The following ATP8A2 variants were observed in gnomAD, a reference collection of about 807,000 sequenced individuals.
ATP8A2 encodes phospholipid-transporting ATPase IB.
A neutral mutation model predicts 165.6 loss-of-function variants in ATP8A2; 100 were observed. That is an observed-to-expected ratio of 0.60 (90% CI 0.51 to 0.71). The LOEUF (loss-of-function observed/expected upper bound fraction) is 0.71, where lower values mean the gene tolerates loss of function less well. Among genes scored for constraint, ATP8A2 ranks in the 30% least tolerant of loss-of-function variants. The pLI is 0.00. For missense variants in ATP8A2, 1,227 were observed against 1,479.5 expected (o/e 0.83, Z 2.80); for synonymous variants, 543 against 548.8 (o/e 0.99, Z 0.15).
chr13:25,464,446 T>TA (rs34063090), intron 1 of ATP8A2, among the ~76,000 whole-genome samples: 45,627 of 127,324 alleles, frequency 0.36, 9,056 homozygotes, highest in East Asian at 0.56. Context: ...CATCTCTATC[T>TA]AAAAAAAAAA....
intron 2 of ATP8A2, among the ~76,000 whole-genome samples, chr13:25,471,244 A>G (rs1429475050): frequency 2.6e-5 from 4 of 151,602 alleles, no homozygotes; most frequent in Non-Finnish European, 5.9e-5. Context: ...CTTAATTTCT[A>G]TTAATTCCTT....
intron 2 of ATP8A2, among the ~76,000 whole-genome samples, chr13:25,472,374 A>T (rs999273143): frequency 2.7e-5 from 4 of 149,852 alleles, no homozygotes; most frequent in African/African-American, 1.0e-4. Context: ...AGCCTGGGTG[A>T]CAGAGCAAGA....
chr13:25,505,208 G>GGC (rs2036996700), intron 2 of ATP8A2, among the ~76,000 whole-genome samples: 1 of 127,160 alleles, frequency 7.9e-6, no homozygotes, highest in Non-Finnish European at 1.6e-5. Flanking sequence ...GGGGCGGGGG[G>GGC]GGGTGGTGGT....
At chr13:25,790,904 G>T (rs2045153824) in intron 27 of ATP8A2, among the ~76,000 whole-genome samples, 1 of 152,088 alleles carries the variant, frequency 6.6e-6, no homozygotes, top group Non-Finnish European at 1.5e-5. Flanking sequence ...AGGTGGTGGA[G>T]AAAAAGGAAT....
intron 2 of ATP8A2, among the ~76,000 whole-genome samples, chr13:25,495,169 C>T (rs1439832404): frequency 6.6e-6 from 1 of 152,192 alleles, no homozygotes; most frequent in East Asian, 1.9e-4. Flanking sequence ...CTGCTGCTGC[C>T]CTTCCAGGGT....
chr13:25,514,372 C>A (rs991940181), intron 2 of ATP8A2, among the ~76,000 whole-genome samples: 3 of 152,140 alleles, frequency 2.0e-5, no homozygotes, highest in Admixed American at 6.5e-5. Context: ...CATTTAAAAT[C>A]TCTTTTTTGT....
chr13:25,495,860 A>G (rs1476309832), intron 2 of ATP8A2, among the ~76,000 whole-genome samples: 1 of 151,724 alleles, frequency 6.6e-6, no homozygotes, highest in Non-Finnish European at 1.5e-5. Flanking sequence ...TGAGCTGTAC[A>G]CCTCAAGCTG....
chr13:25,649,132 A>G, intron 24 of ATP8A2: 3 of 445,552 alleles, frequency 6.7e-6, no homozygotes, highest in South Asian at 3.2e-5. Flanking sequence ...AACCTTTTCC[A>G]GCTTTCACAG....
chr13:25,849,479 C>G (rs758610832), intron 30 of ATP8A2, among the ~76,000 whole-genome samples: 3 of 151,624 alleles, frequency 2.0e-5, no homozygotes, highest in Non-Finnish European at 4.4e-5. Context: ...CAACCTAGCT[C>G]TTTGGAATAT....
intron 29 of ATP8A2, 141 bp downstream of exon 29, chr13:25,837,426 CACACACACACA>C (rs1409201969): frequency 0.18 from 1,965 of 11,094 alleles, 45 homozygotes; most frequent in African/African-American, 0.22. Context: ...CCCACCACCA[CACACACACACA>C]CACACACACA....
At chr13:25,936,608 G>C (rs1954898070) in intron 33 of ATP8A2, among the ~76,000 whole-genome samples, 1 of 152,206 alleles carries the variant, frequency 6.6e-6, no homozygotes, top group African/African-American at 2.4e-5. Context: ...TCATTAGTGG[G>C]ATCATGGCAC....
rs148404693 is a variant in ATP8A2, at chr13:25,563,862, G to A, written c.1398-94G>A. ...AATGTGAATCCCTATAGGACTTTAGGTATGGTTCTTCTTGAAGGCAGATTC... is the reference window on the plus strand; with the variant it reads ...AATGTGAATCCCTATAGGACTTTAGATATGGTTCTTCTTGAAGGCAGATTC... On this transcript the variant is annotated intron_variant, in intron 15 of 36. Coordinates refer to ENST00000381655, the MANE Select transcript of ATP8A2 (RefSeq NM_016529.6). The A allele has an allele frequency of 2.6e-3, 2,072 of 807,706 alleles. 4 individuals are homozygous for A. Among genetic ancestry groups the A allele is most frequent in the Non-Finnish European group, 3.6e-3 (1,677 of 466,964 alleles). The allele number at this position is 807,706 out of a possible 1,614,324, so 50.0% of individuals were successfully genotyped here.
chr13:25,974,664 G>A (rs1053292353), intron 35 of ATP8A2, among the ~76,000 whole-genome samples: 1 of 152,066 alleles, frequency 6.6e-6, no homozygotes, highest in South Asian at 2.1e-4. Context: ...CGTCTATGCC[G>A]GTCCTTGCCA....
chr13:25,455,129 A>T (rs905217048), intron 1 of ATP8A2, among the ~76,000 whole-genome samples: 2 of 152,210 alleles, frequency 1.3e-5, no homozygotes, highest in Non-Finnish European at 2.9e-5. Context: ...TCCCTTGATT[A>T]CTGCTTCTCC....
chr13:25,704,337 C>CTT lies in ATP8A2; in HGVS notation c.2384+5007_2384+5008dup, dbSNP rs67458818. ...TCTGTACATCCAACCACATCTAGGA[C>CTT]TTTTTTTTTTTTTTTTGAGGCAGTC... is the stretch of plus-strand genomic sequence containing the variant. On this transcript the variant is annotated intron_variant, in intron 25 of 36. Transcript: ENST00000381655. 3.2e-3 allele frequency among the ~76,000 whole-genome samples: 438 copies of CTT among 137,668 alleles called. 8 individuals carry two copies. Among genetic ancestry groups the CTT allele is most frequent in the South Asian group, 0.021 (90 of 4,218 alleles). The allele number at this position is 137,668 out of a possible 152,430, so 90.3% of individuals were successfully genotyped here.
intron 36 of ATP8A2, 33 bp downstream of exon 36, chr13:26,012,655 T>C: frequency 1.0e-5 from 12 of 1,194,504 alleles, no homozygotes; most frequent in Non-Finnish European, 1.3e-5. Context: ...GATGGAGGAG[T>C]GGGTGTCGGT....
At chr13:25,667,089 C>A (rs1210781343) in intron 24 of ATP8A2, among the ~76,000 whole-genome samples, 1 of 152,060 alleles carries the variant, frequency 6.6e-6, no homozygotes, top group Non-Finnish European at 1.5e-5. Context: ...CTGTCTAGTT[C>A]CAAAACATTT....
At chr13:25,614,360 G>T (rs1228103978) in intron 24 of ATP8A2, among the ~76,000 whole-genome samples, 1 of 151,930 alleles carries the variant, frequency 6.6e-6, no homozygotes, top group Non-Finnish European at 1.5e-5. Context: ...CATTTTTAGA[G>T]GTTGTGATTT....
intron 35 of ATP8A2, among the ~76,000 whole-genome samples, chr13:25,989,543 T>C (rs1434281420): frequency 6.6e-6 from 1 of 152,242 alleles, no homozygotes; most frequent in Non-Finnish European, 1.5e-5. Flanking sequence ...ATTTTCAGTA[T>C]TGTACATGAT....
Sources: allele counts gnomAD v4.1 joint callset (sites outside exome capture counted in the v4.1 genomes callset), GRCh38; gene constraint gnomAD v4.1.1; transcripts MANE v1.5; gene names NCBI Gene and HGNC (gene_info 2026-07-23, HGNC 2026-07-21).